ERC2: variants seen among roughly 807,000 people sequenced by gnomAD.
ERC2 encodes ELKS/RAB6-interacting/CAST family member 2.
A neutral mutation model predicts 114.8 loss-of-function variants in ERC2; 42 were observed. That is an observed-to-expected ratio of 0.37 (90% confidence interval 0.29 to 0.47). The LOEUF is 0.47. ERC2 is among the 20% of genes least tolerant of loss of function. ERC2 has a pLI of 0.99. For missense variants in ERC2, 939 were observed against 1,150.7 expected (o/e 0.82, Z 2.66); for synonymous variants, 454 against 425.5 (o/e 1.07, Z -0.82).
rs550628862 is a variant in ERC2, at chr3:56,441,346, T to G, written c.-140-6199A>C. On this transcript the variant is annotated intron_variant, in intron 1 of 17. Coordinates refer to ENST00000288221, the MANE Select transcript of ERC2 (RefSeq NM_015576.3). ...CAGCTGCATGAATAACAGCCATCAC[T>G]ATATGTAACAAGACCACCAATCAAC... 2.0e-5 allele frequency among the ~76,000 whole-genome samples: 3 copies of G among 152,174 alleles called. 1 individual carries two copies. The highest frequency in any genetic ancestry group is 4.4e-5 in the Non-Finnish European group (3 of 68,044).
intron 17 of ERC2, among the ~76,000 whole-genome samples, chr3:55,595,597 A>G (rs763797180): frequency 1.6e-4 from 25 of 152,356 alleles, no homozygotes; most frequent in Middle Eastern, 3.4e-3. Flanking sequence ...AGAAGTAAAC[A>G]AATCTGTTAT....
At chr3:55,982,393 C>T (rs147128351) in intron 12 of ERC2, among the ~76,000 whole-genome samples, 3 of 151,990 alleles carry the variant, frequency 2.0e-5, no homozygotes, top group South Asian at 4.2e-4. Flanking sequence ...TTGATGAACA[C>T]GTTTCCTCTT....
intron 6 of ERC2, among the ~76,000 whole-genome samples, chr3:56,111,205 A>G (rs1231990648): frequency 6.6e-6 from 1 of 151,766 alleles, no homozygotes; most frequent in Non-Finnish European, 1.5e-5. Context: ...TTCACTTTCT[A>G]ACAGCCAAGA....
intron 14 of ERC2, among the ~76,000 whole-genome samples, chr3:55,863,098 C>G (rs1345863192): frequency 6.6e-6 from 1 of 152,108 alleles, no homozygotes; most frequent in East Asian, 1.9e-4. Flanking sequence ...ATTAGGGGAG[C>G]AAAAGGAGAC....
chr3:56,328,582 G>T (rs2057469027), intron 2 of ERC2, among the ~76,000 whole-genome samples: 2 of 152,220 alleles, frequency 1.3e-5, no homozygotes, highest in African/African-American at 2.4e-5. Flanking sequence ...ATAGAAGAGA[G>T]AAGTGGTGAA....
At chr3:56,008,430 G>C (rs374516666) in intron 9 of ERC2, among the ~76,000 whole-genome samples, 39 of 152,170 alleles carry the variant, frequency 2.6e-4, no homozygotes, top group African/African-American at 8.2e-4. Context: ...CTCAAACCCA[G>C]GTCTACAATT....
chr3:55,851,860 G>C (rs2061588175), intron 14 of ERC2, among the ~76,000 whole-genome samples: 1 of 152,164 alleles, frequency 6.6e-6, no homozygotes, highest in Admixed American at 6.5e-5. Flanking sequence ...AGAGCCCAGG[G>C]TCTTGGGCCC....
intron 7 of ERC2, among the ~76,000 whole-genome samples, chr3:56,036,396 A>T (rs1267348125): frequency 6.6e-6 from 1 of 152,198 alleles, no homozygotes; most frequent in Non-Finnish European, 1.5e-5. Context: ...AAAAAAAACA[A>T]TAAAATCATC....
intron 17 of ERC2, among the ~76,000 whole-genome samples, chr3:55,588,918 G>A (rs2057728996): frequency 6.6e-6 from 1 of 152,082 alleles, no homozygotes; most frequent in African/African-American, 2.4e-5. Context: ...ATCATGGCTT[G>A]GGGCATTTCG....
At chr3:56,125,728 T>C (rs2079828444) in intron 6 of ERC2, among the ~76,000 whole-genome samples, 1 of 152,200 alleles carries the variant, frequency 6.6e-6, no homozygotes, top group African/African-American at 2.4e-5. Context: ...ACTCTTTCCT[T>C]CTGAAAGTAT....
intron 7 of ERC2, among the ~76,000 whole-genome samples, chr3:56,070,278 C>T (rs1400137967): frequency 6.6e-6 from 1 of 152,138 alleles, no homozygotes; most frequent in African/African-American, 2.4e-5. Flanking sequence ...CATCTGCAGA[C>T]TGAAATATGT....
In ERC2 at chr3:56,186,562, G is replaced by A. The variant is rs558564485; in HGVS notation, c.1075-13042C>T. ...TGTTTTGTTTTTGAGACAGAGTTTC[G>A]CTCTTGTTGCCCAGGCTGGAGTGCA... On this transcript the variant is annotated intron_variant, in intron 3 of 17. Coordinates refer to ENST00000288221, the MANE Select transcript of ERC2 (RefSeq NM_015576.3). 7.9e-5 allele frequency among the ~76,000 whole-genome samples: 12 copies of A among 152,074 alleles called. No individual in the cohort carries two copies. The East Asian group carries it at 1.5e-3, about 20-fold the overall frequency.
intron 2 of ERC2, among the ~76,000 whole-genome samples, chr3:56,407,790 CT>C (rs1212919574): frequency 6.6e-6 from 1 of 152,164 alleles, no homozygotes; most frequent in East Asian, 1.9e-4. Context: ...AGGGACCCCC[CT>C]GGAACACGAC....
Position 56,435,057 on chromosome 3 carries a change from T to C in ERC2, c.-50A>G. On this transcript the variant is annotated 5_prime_UTR_variant, in exon 2 of 18. Transcript: ENST00000288221. The stretch of plus-strand genomic sequence containing the variant: ...TGAAGAGAAGAAATGCTATATTAAG[T>C]TGGGGTTTGAGCTAATATTTCCACG... The C allele has an allele frequency of 7.0e-7, 1 of 1,433,022 alleles. No homozygotes were observed. The highest frequency in any genetic ancestry group is 9.4e-7 in the Non-Finnish European group (1 of 1,064,456). The allele number at this position is 1,433,022 out of a possible 1,614,324, so 88.8% of individuals were successfully genotyped here.
chr3:56,211,764 A>G (rs1023572969), intron 3 of ERC2, among the ~76,000 whole-genome samples: 11 of 152,222 alleles, frequency 7.2e-5, no homozygotes, highest in South Asian at 6.2e-4. Flanking sequence ...ATATAGACCA[A>G]TGGAACAGAA....
At chr3:56,088,517 T>C (rs190726755) in intron 6 of ERC2, among the ~76,000 whole-genome samples, 64 of 151,898 alleles carry the variant, frequency 4.2e-4, no homozygotes, top group African/African-American at 1.5e-3. Context: ...GAAGAAGCAG[T>C]AGAACCTTGG....
chr3:56,330,698 G>A (rs757760721), intron 2 of ERC2, among the ~76,000 whole-genome samples: 16 of 152,054 alleles, frequency 1.1e-4, no homozygotes, highest in Non-Finnish European at 2.1e-4. Context: ...ATGCACAATG[G>A]AGCATTTTGG....
chr3:55,769,445 G>T (rs1046782836), intron 14 of ERC2, among the ~76,000 whole-genome samples: 27 of 151,818 alleles, frequency 1.8e-4, no homozygotes, highest in African/African-American at 6.5e-4. Flanking sequence ...ACATCACAGG[G>T]TCTCTGTCTG....
chr3:55,928,913 C>A (rs977096656), intron 13 of ERC2, among the ~76,000 whole-genome samples: 11 of 152,166 alleles, frequency 7.2e-5, no homozygotes, highest in African/African-American at 2.7e-4. Context: ...AAAACGAGTT[C>A]ACTGTAGATG....
Sources: gnomAD v4.1 joint callset for allele counts (sites outside exome capture counted in the v4.1 genomes callset) on GRCh38, gnomAD v4.1.1 for gene constraint, MANE v1.5 for transcripts, NCBI Gene and HGNC (gene_info 2026-07-23, HGNC 2026-07-21) for gene names.